The following NSL1 variants were observed in gnomAD, a reference collection of about 807,000 sequenced individuals.
NSL1 encodes the protein kinetochore-associated protein NSL1 homolog.
NSL1 carries 11 observed loss-of-function variants against 25.4 expected under a neutral mutation model. That is an observed-to-expected ratio of 0.43 (90% CI 0.27 to 0.72). NSL1 has a LOEUF of 0.72. NSL1 is among the 30% of genes least tolerant of loss of function. The pLI is 0.19. For missense variants in NSL1, 330 were observed against 342.7 expected, an observed-to-expected ratio of 0.96 and a Z score of 0.29; for synonymous variants, 118 against 120.6, an observed-to-expected ratio of 0.98 and a Z score of 0.14.
At chr1:212,752,889 C>CAAAAAAAAAAAAAAAAA (rs11284993) in intron 4 of NSL1, among the ~76,000 whole-genome samples, 2 of 133,952 alleles carry the variant, frequency 1.5e-5, no homozygotes, top group South Asian at 4.9e-4. Context: ...AGAAATTCAG[C>CAAAAAAAAAAAAAAAAA]AAAAAAAAAA....
In NSL1 at chr1:212,760,078, C is replaced by A. The variant is rs1352719863; in HGVS notation, c.500-20477G>T. Reference sequence around the variant, plus strand: ...ACAGACCACCAAGACAACAGACCATCGCCAGTGCCCAATCATACTGTCCAG... The same window carrying A: ...ACAGACCACCAAGACAACAGACCATAGCCAGTGCCCAATCATACTGTCCAG... On this transcript the variant is annotated intron_variant, in intron 4 of 5. Coordinates refer to ENST00000366977, the MANE Select transcript of NSL1 (RefSeq NM_015471.4). The surrounding 1 kb of genome is among the most constrained non-coding windows in gnomAD (Gnocchi z 4.3). Among the ~76,000 whole-genome samples, 1 of 151,990 alleles carries A rather than the reference C, an allele frequency of 6.6e-6. No homozygotes were observed. Among genetic ancestry groups the A allele is most frequent in the Non-Finnish European group, 1.5e-5 (1 of 67,972 alleles).
At position 212,732,179 on chromosome 1, in the gene NSL1, ATTTT is replaced by A. The variant is rs1054436963; in HGVS notation, c.*6225_*6228del. On this transcript the variant is annotated 3_prime_UTR_variant, in exon 6 of 6. Coordinates refer to ENST00000366977, the MANE Select transcript of NSL1 (RefSeq NM_015471.4). ...CTCTACTGTAGTGAATAACTGCCTT[ATTTT>A]TTGTTTCTTTGAACATCTTAATCAT... The A allele has an allele frequency of 6.1e-6, 6 of 984,130 alleles. No individual in the cohort carries two copies. Among genetic ancestry groups the A allele is most frequent in the South Asian group, 4.7e-5 (1 of 21,254 alleles). The allele number at this position is 984,130 out of a possible 1,614,324, so 61.0% of individuals were successfully genotyped here.
chr1:212,730,057 C>T lies in NSL1; in HGVS notation c.*8351G>A. 4.5e-6 allele frequency: 4 copies of T among 898,200 alleles called. No homozygotes were observed. The highest frequency in any genetic ancestry group is 5.3e-6 in the Non-Finnish European group (4 of 750,914). 55.6% of individuals were successfully genotyped at this position (898,200 alleles called of 1,614,324 possible). ...CCTGAGGTCAGGAGTTCGAGACCAGCCTGACCAACATGGCAAAACCTCATC... is the reference window on the plus strand; with the variant it reads ...CCTGAGGTCAGGAGTTCGAGACCAGTCTGACCAACATGGCAAAACCTCATC... On this transcript the variant is annotated 3_prime_UTR_variant, in exon 6 of 6. Coordinates refer to ENST00000366977, the MANE Select transcript of NSL1 (RefSeq NM_015471.4).
chr1:212,732,248 A>ACT lies in NSL1; in HGVS notation c.*6159_*6160insAG, dbSNP rs1451689088. 1.0e-6 allele frequency: 1 copy of ACT among 980,614 alleles called. No homozygotes were observed. The highest frequency in any genetic ancestry group is 1.8e-5 in the African/African-American group (1 of 57,006). 60.7% of individuals were successfully genotyped at this position (980,614 alleles called of 1,614,324 possible). On this transcript the variant is annotated 3_prime_UTR_variant, in exon 6 of 6. Coordinates refer to ENST00000366977, the MANE Select transcript of NSL1 (RefSeq NM_015471.4). Reference sequence around the variant, plus strand: ...CCTTTATACAATTTTCTGCATAGTTAACATTATCACTCGTGTTGTCACTTT... The same window carrying ACT: ...CCTTTATACAATTTTCTGCATAGTTACTACATTATCACTCGTGTTGTCACTTT...
Position 212,729,439 on chromosome 1 carries a change from G to C in NSL1, c.*8969C>G. On this transcript the variant is annotated 3_prime_UTR_variant, in exon 6 of 6. Coordinates refer to ENST00000366977, the MANE Select transcript of NSL1 (RefSeq NM_015471.4). ...TGTGTGTAATAAAAGGTGTGGCTAC[G>C]AAAAATCATTTTACAATATTGTCTG... is the stretch of plus-strand genomic sequence containing the variant. 4 of 985,368 alleles carry C rather than the reference G, an allele frequency of 4.1e-6. No homozygotes were observed. The highest frequency in any genetic ancestry group is 4.8e-6 in the Non-Finnish European group (4 of 829,878). The allele number at this position is 985,368 out of a possible 1,614,324, so 61.0% of individuals were successfully genotyped here.
At chr1:212,785,901 T>C (rs1660921679) in intron 2 of NSL1, among the ~76,000 whole-genome samples, 1 of 152,216 alleles carries the variant, frequency 6.6e-6, no homozygotes, top group African/African-American at 2.4e-5. Context: ...AAATTGCTGA[T>C]ATGTTTCGGT....
At chr1:212,747,275 A>G (rs1411904338) in intron 4 of NSL1, among the ~76,000 whole-genome samples, 1 of 152,200 alleles carries the variant, frequency 6.6e-6, no homozygotes, top group African/African-American at 2.4e-5. Flanking sequence ...CACTTCCAAG[A>G]TTAGGTTATA....
At chr1:212,752,458 C>T (rs1659109202) in intron 4 of NSL1, among the ~76,000 whole-genome samples, 1 of 152,134 alleles carries the variant, frequency 6.6e-6, no homozygotes, top group Non-Finnish European at 1.5e-5. Context: ...CTGGAAGTAT[C>T]ATTAAGTTTA....
At chr1:212,765,515 G>C (rs1404729128) in intron 4 of NSL1, among the ~76,000 whole-genome samples, 1 of 152,164 alleles carries the variant, frequency 6.6e-6, no homozygotes, top group Non-Finnish European at 1.5e-5. Flanking sequence ...GATGGAAAAA[G>C]CATATGGTAA....
At chr1:212,745,059 C>A (rs1658696321) in intron 4 of NSL1, among the ~76,000 whole-genome samples, 1 of 151,798 alleles carries the variant, frequency 6.6e-6, no homozygotes, top group African/African-American at 2.4e-5. Context: ...TTGCTTGAAC[C>A]TGGGAGGCCG....
In NSL1 at chr1:212,736,306, G is replaced by A. The variant is rs1300743304; in HGVS notation, c.*2102C>T. ...CCCAAAGTGCTGGGATTACAGGCAT[G>A]AGCCCACCGCGCCTGGCTATTTCTT... On this transcript the variant is annotated 3_prime_UTR_variant, in exon 6 of 6. Coordinates refer to ENST00000366977, the MANE Select transcript of NSL1 (RefSeq NM_015471.4). The A allele has an allele frequency of 2.4e-5, 23 of 977,124 alleles. No homozygotes were observed. The highest frequency in any genetic ancestry group is 2.7e-5 in the Non-Finnish European group (22 of 822,470). The allele number at this position is 977,124 out of a possible 1,614,324, so 60.5% of individuals were successfully genotyped here.
chr1:212,754,412 A>G (rs1202040109), intron 4 of NSL1, among the ~76,000 whole-genome samples: 1 of 152,142 alleles, frequency 6.6e-6, no homozygotes, highest in African/African-American at 2.4e-5. Flanking sequence ...GGAAACGAAG[A>G]GACAGCTTCA....
At chr1:212,778,412 T>TCTCTCCC (rs1660483028) in intron 4 of NSL1, among the ~76,000 whole-genome samples, 2 of 151,818 alleles carry the variant, frequency 1.3e-5, no homozygotes, top group South Asian at 2.1e-4. Context: ...CTCTCTCCTC[T>TCTCTCCC]CTCTCCCCTC....
At chr1:212,749,470 G>A (rs1169963855) in intron 4 of NSL1, among the ~76,000 whole-genome samples, 3 of 150,996 alleles carry the variant, frequency 2.0e-5, no homozygotes, top group African/African-American at 4.9e-5. Context: ...CACCCAGGCC[G>A]GAGTGCAGTG....
At chr1:212,756,074 G>GC (rs1350107655) in intron 4 of NSL1, among the ~76,000 whole-genome samples, 5 of 152,124 alleles carry the variant, frequency 3.3e-5, no homozygotes, top group Non-Finnish European at 5.9e-5. Context: ...GGGGTGACAG[G>GC]AAGAGAGAGA....
intron 4 of NSL1, among the ~76,000 whole-genome samples, chr1:212,740,602 T>C (rs1487267697): frequency 2.0e-5 from 3 of 152,294 alleles, no homozygotes; most frequent in African/African-American, 7.2e-5. Context: ...GTGAAATGTA[T>C]AGACAGTAAG....
At chr1:212,744,310 C>CA (rs1275499648) in intron 4 of NSL1, among the ~76,000 whole-genome samples, 4 of 152,046 alleles carry the variant, frequency 2.6e-5, no homozygotes, top group African/African-American at 9.7e-5. Flanking sequence ...CTACAAACAA[C>CA]AAAAAACATG....
At chr1:212,761,038 C>T (rs530322604) in intron 4 of NSL1, among the ~76,000 whole-genome samples, 2 of 152,288 alleles carry the variant, frequency 1.3e-5, no homozygotes, top group East Asian at 3.9e-4. Flanking sequence ...TGCACACACC[C>T]GGAATCAAAG....
In NSL1 at chr1:212,767,567, A is replaced by C. The variant is rs1311811257; in HGVS notation, c.499+14805T>G. Among the ~76,000 whole-genome samples, 5 of 152,328 alleles carry C rather than the reference A, an allele frequency of 3.3e-5. No homozygotes were observed. The East Asian group carries it at 7.7e-4, about 23-fold the overall frequency. On this transcript the variant is annotated intron_variant, in intron 4 of 5. Transcript: ENST00000366977. Reference sequence around the variant, plus strand: ...AATGCAACAAAGACAAAAATAAATAAATGGGACCTAATTAAACTAAAAAGC... The same window carrying C: ...AATGCAACAAAGACAAAAATAAATACATGGGACCTAATTAAACTAAAAAGC...
Sources: gnomAD v4.1 joint callset for allele counts (sites outside exome capture counted in the v4.1 genomes callset) on GRCh38, gnomAD v4.1.1 for gene constraint, Gnocchi (gnomAD v3.1) non-coding constraint, MANE v1.5 for transcripts, NCBI Gene and HGNC (gene_info 2026-07-23, HGNC 2026-07-21) for gene names.